Variants in UNC5C observed in about 807,000 individuals in gnomAD.
UNC5C encodes netrin receptor UNC5C.
In UNC5C, 47 loss-of-function variants were observed where a neutral mutation model predicts 99.8. The observed-to-expected ratio is 0.47, with a 90% CI of 0.37 to 0.60. The LOEUF (loss-of-function observed/expected upper bound fraction) is 0.60. Ranked by LOEUF, UNC5C falls within the 20% of genes least tolerant of loss-of-function variation. The pLI, the probability that UNC5C is intolerant of heterozygous loss-of-function variation, is 0.00. For synonymous variants in UNC5C, 487 were observed against 452.2 expected, an observed-to-expected ratio of 1.08 and a Z score of -0.98; for missense variants, 1,062 against 1,165.9, an observed-to-expected ratio of 0.91 and a Z score of 1.30.
At chr4:95,414,729 C>A (rs1746109527) in intron 1 of UNC5C, among the ~76,000 whole-genome samples, 1 of 152,152 alleles carries the variant, frequency 6.6e-6, no homozygotes, top group South Asian at 2.1e-4. Context: ...TGCCTATAAC[C>A]TTATCCACAT....
intron 1 of UNC5C, among the ~76,000 whole-genome samples, chr4:95,501,751 T>C (rs1022166505): frequency 2.6e-5 from 4 of 152,178 alleles, no homozygotes; most frequent in Non-Finnish European, 5.9e-5. Context: ...TCTGTTATAG[T>C]TCTTTTTTCA....
At chr4:95,308,457 A>G (rs1010257757) in intron 2 of UNC5C, among the ~76,000 whole-genome samples, 1 of 152,084 alleles carries the variant, frequency 6.6e-6, no homozygotes, top group African/African-American at 2.4e-5. Context: ...TGAAGAAGAA[A>G]AACATTAATG....
intron 1 of UNC5C, among the ~76,000 whole-genome samples, chr4:95,362,480 C>G (rs1465388597): frequency 6.6e-6 from 1 of 152,116 alleles, no homozygotes; most frequent in Admixed American, 6.6e-5. Flanking sequence ...AGAGATGGAG[C>G]AAGAATGTGG....
chr4:95,535,681 A>C (rs1722754645), intron 1 of UNC5C, among the ~76,000 whole-genome samples: 1 of 152,226 alleles, frequency 6.6e-6, no homozygotes, highest in Admixed American at 6.5e-5. Flanking sequence ...ACTTAGATAA[A>C]GGCTGCCATT....
intron 10 of UNC5C, among the ~76,000 whole-genome samples, chr4:95,211,390 C>T (rs1287575553): frequency 1.3e-5 from 2 of 152,190 alleles, no homozygotes; most frequent in Non-Finnish European, 2.9e-5. Context: ...CTAGACAGGC[C>T]AAAATCTATC....
At chr4:95,468,010 G>A (rs1034547197) in intron 1 of UNC5C, among the ~76,000 whole-genome samples, 8 of 152,054 alleles carry the variant, frequency 5.3e-5, no homozygotes, top group African/African-American at 1.2e-4. Flanking sequence ...GATGAGGAGG[G>A]GTTGGTCTTG....
At chr4:95,480,723 T>C (rs934429130) in intron 1 of UNC5C, among the ~76,000 whole-genome samples, 1 of 152,098 alleles carries the variant, frequency 6.6e-6, no homozygotes, top group Non-Finnish European at 1.5e-5. Flanking sequence ...TCAATAAATG[T>C]AATCCAGCAT....
rs1338189819 is a variant in UNC5C, at chr4:95,218,955, C to A, written c.1645+14G>T. The A allele has an allele frequency of 6.3e-7, 1 of 1,575,512 alleles. No homozygotes were observed. Among genetic ancestry groups the A allele is most frequent in the African/African-American group, 1.4e-5 (1 of 73,642 alleles). ...TCAAGCTGCCTCTTTGCAATTTAAACCTCTAGGAATTACCTGAATTGGGAA... is the reference window on the plus strand; with the variant it reads ...TCAAGCTGCCTCTTTGCAATTTAAAACTCTAGGAATTACCTGAATTGGGAA... On this transcript the variant is annotated intron_variant, in intron 9 of 15. Transcript: ENST00000453304.
intron 2 of UNC5C, among the ~76,000 whole-genome samples, chr4:95,334,228 G>A (rs1206771324): frequency 6.6e-6 from 1 of 151,878 alleles, no homozygotes; most frequent in African/African-American, 2.4e-5. Context: ...TATCTTGTCG[G>A]AGATCTTGAA....
intron 1 of UNC5C, among the ~76,000 whole-genome samples, chr4:95,406,863 A>G (rs911897069): frequency 6.6e-6 from 1 of 152,232 alleles, no homozygotes; most frequent in East Asian, 1.9e-4. Context: ...TATTTTCAAC[A>G]ATTTCATGAT....
In UNC5C at chr4:95,354,479, A is replaced by ATATATAT; in HGVS notation, c.125-18849_125-18848insATATATA. 4.1e-4 allele frequency among the ~76,000 whole-genome samples: 45 copies of ATATATAT among 110,352 alleles called. No individual in the cohort carries two copies. The Middle Eastern group carries it at 0.013, about 31-fold the overall frequency. The allele number at this position is 110,352 out of a possible 152,430, so 72.4% of individuals were successfully genotyped here. A position where few individuals can be genotyped will look rare whatever the true frequency, so the allele number is the denominator to read the frequency against. On this transcript the variant is annotated intron_variant, in intron 1 of 15. Coordinates refer to ENST00000453304, the MANE Select transcript of UNC5C (RefSeq NM_003728.4). ...TTACCTAACTCTTCCATATATATAT[A>ATATATAT]TTTTTTTTTTTTTTTTAAGAGACAG...
At position 95,548,331 on chromosome 4, in the gene UNC5C, G is replaced by C. The variant is rs75936635; in HGVS notation, c.124+403C>G. The stretch of plus-strand genomic sequence containing the variant: ...CGCGGGGAGCCTCTGCGCATCATGC[G>C]CTTCGGGGTGCATCTACGGTATGTC... On this transcript the variant is annotated intron_variant, in intron 1 of 15. Coordinates refer to ENST00000453304, the MANE Select transcript of UNC5C (RefSeq NM_003728.4). 2.7e-3 allele frequency among the ~76,000 whole-genome samples: 407 copies of C among 152,114 alleles called. 9 individuals carry two copies. The highest frequency in any genetic ancestry group is 0.015 in the Admixed American group (236 of 15,284).
intron 1 of UNC5C, among the ~76,000 whole-genome samples, chr4:95,434,841 A>G (rs1372197750): frequency 3.9e-5 from 6 of 152,040 alleles, no homozygotes; most frequent in Admixed American, 2.6e-4. Context: ...GCTCCAGAAT[A>G]TGAAAGCACA....
intron 4 of UNC5C, among the ~76,000 whole-genome samples, chr4:95,272,261 A>C (rs1740690697): frequency 6.6e-6 from 1 of 152,204 alleles, no homozygotes; most frequent in Admixed American, 6.5e-5. Context: ...CTGGCATACC[A>C]TGCATCTGCA....
At chr4:95,358,524 C>T (rs923410113) in intron 1 of UNC5C, among the ~76,000 whole-genome samples, 1 of 152,134 alleles carries the variant, frequency 6.6e-6, no homozygotes, top group African/African-American at 2.4e-5. Flanking sequence ...TTTACCTCTC[C>T]TGCCCTTAGA....
In UNC5C at chr4:95,466,250, A is replaced by G. The variant is rs553376851; in HGVS notation, c.124+82484T>C. Reference sequence around the variant, plus strand: ...GAGTACCTACTCATAGAGTCACACAATGTCATAGTTTGGGGATACTGCCTT... The same window carrying G: ...GAGTACCTACTCATAGAGTCACACAGTGTCATAGTTTGGGGATACTGCCTT... On this transcript the variant is annotated intron_variant, in intron 1 of 15. Transcript: ENST00000453304. Among the ~76,000 whole-genome samples the G allele has an allele frequency of 4.1e-4, 62 of 152,260 alleles. 1 individual carries two copies. Among genetic ancestry groups the G allele is most frequent in the African/African-American group, 1.3e-3 (55 of 41,558 alleles).
Position 95,169,247 on chromosome 4 carries a change from T to C in UNC5C, c.2783A>G (p.Glu928Gly). ...RHETVVSLAA[E>G]GQY ...CCAGCATGGTGGTTAATACTGCCCT[T>C]CTGCTGCTAAGGACACCACCGTTTC... The change falls in exon 16 of 16, where the codon GAA (glutamate) becomes GGA (glycine). Residue 928 changes from glutamate to glycine, a missense_variant. Physicochemically the swap from Glu to Gly is moderately conservative, Grantham distance 98. Transcript: ENST00000453304. The C allele has an allele frequency of 2.5e-6, 4 of 1,614,132 alleles. No individual in the cohort carries two copies. Among genetic ancestry groups the C allele is most frequent in the Non-Finnish European group, 3.4e-6 (4 of 1,180,014 alleles).
intron 6 of UNC5C, among the ~76,000 whole-genome samples, chr4:95,243,325 C>T (rs1480677303): frequency 2.0e-5 from 3 of 152,030 alleles, no homozygotes; most frequent in Non-Finnish European, 4.4e-5. Flanking sequence ...TGGTGGCTGG[C>T]TTGTCAGCAA....
intron 3 of UNC5C, among the ~76,000 whole-genome samples, chr4:95,293,930 A>T (rs879307070): frequency 5.9e-5 from 9 of 152,304 alleles, no homozygotes; most frequent in Middle Eastern, 3.4e-3. Flanking sequence ...CAGTATTATT[A>T]TTCTGGAGCC....
Sources: allele counts gnomAD v4.1 joint callset (sites outside exome capture counted in the v4.1 genomes callset), GRCh38; gene constraint gnomAD v4.1.1; transcripts MANE v1.5; gene names NCBI Gene and HGNC (gene_info 2026-07-23, HGNC 2026-07-21).